BRINP3: variants seen among roughly 807,000 people sequenced by gnomAD.
The protein encoded by BRINP3 is BMP/retinoic acid-inducible neural-specific protein 3.
In BRINP3, 19 loss-of-function variants were observed where a neutral mutation model predicts 71.0. The ratio of observed to expected loss-of-function variants is 0.27; its 90% CI spans 0.19 to 0.39. The LOEUF is 0.39. Ranked by LOEUF, BRINP3 falls within the 10% of genes least tolerant of loss-of-function variation. The probability of loss-of-function intolerance (pLI) is 1.00; values close to 1 mark genes in which losing one functional copy is unlikely to be tolerated. For missense variants in BRINP3, 959 were observed against 940.8 expected, an observed-to-expected ratio of 1.02 and a Z score of -0.25; for synonymous variants, 380 against 337.7, an observed-to-expected ratio of 1.13 and a Z score of -1.37.
At chr1:190,119,403 A>AG (rs1653437833) in intron 7 of BRINP3, among the ~76,000 whole-genome samples, 1 of 151,990 alleles carries the variant, frequency 6.6e-6, no homozygotes, top group Non-Finnish European at 1.5e-5. Context: ...CAGCCTCCTG[A>AG]AAGCTGGGAT....
At chr1:190,259,093 T>G (rs191324127) in intron 4 of BRINP3, among the ~76,000 whole-genome samples, 33 of 152,132 alleles carry the variant, frequency 2.2e-4, no homozygotes, top group Middle Eastern at 3.4e-3. Context: ...TACCAATTCT[T>G]CATAAACTCT....
intron 2 of BRINP3, among the ~76,000 whole-genome samples, chr1:190,441,781 G>A (rs977007329): frequency 6.6e-6 from 1 of 151,986 alleles, no homozygotes. Context: ...CTCCCTAATA[G>A]TACTTCAATA....
intron 7 of BRINP3, among the ~76,000 whole-genome samples, chr1:190,129,776 A>G (rs1256652731): frequency 6.6e-6 from 1 of 152,014 alleles, no homozygotes; most frequent in Admixed American, 6.6e-5. Flanking sequence ...TGATTAACAC[A>G]GAATGCTATT....
chr1:190,129,812 A>G (rs1013457101), intron 7 of BRINP3, among the ~76,000 whole-genome samples: 2 of 151,974 alleles, frequency 1.3e-5, no homozygotes, highest in Non-Finnish European at 2.9e-5. Context: ...TAAAATCAAG[A>G]CAGAATAAGA....
chr1:190,358,391 G>T (rs181695482), intron 2 of BRINP3, among the ~76,000 whole-genome samples: 2,656 of 152,280 alleles, frequency 0.017, 49 homozygotes, highest in Middle Eastern at 0.031. Context: ...CATTTATGCA[G>T]CCAACAGACA....
At chr1:190,290,133 A>G (rs1288559149) in intron 2 of BRINP3, among the ~76,000 whole-genome samples, 1 of 152,066 alleles carries the variant, frequency 6.6e-6, no homozygotes, top group African/African-American at 2.4e-5. Context: ...GTAGAGGAAT[A>G]TATTTCTCAA....
chr1:190,380,442 T>C (rs1670475766), intron 2 of BRINP3, among the ~76,000 whole-genome samples: 1 of 152,136 alleles, frequency 6.6e-6, no homozygotes, highest in African/African-American at 2.4e-5. Flanking sequence ...AGTAGATGGA[T>C]ATTGGAATGG....
At chr1:190,108,369 G>A (rs1652372932) in intron 7 of BRINP3, among the ~76,000 whole-genome samples, 1 of 151,322 alleles carries the variant, frequency 6.6e-6, no homozygotes, top group Non-Finnish European at 1.5e-5. Context: ...CGCACACGCT[G>A]GTATAAAATT....
intron 2 of BRINP3, among the ~76,000 whole-genome samples, chr1:190,331,557 C>T (rs761366816): frequency 3.9e-5 from 6 of 151,948 alleles, no homozygotes; most frequent in African/African-American, 1.2e-4. Context: ...ATTTGTAGTA[C>T]GAGGTGGCCA....
chr1:190,376,626 A>C (rs1387412026), intron 2 of BRINP3, among the ~76,000 whole-genome samples: 3 of 152,064 alleles, frequency 2.0e-5, no homozygotes, highest in Non-Finnish European at 4.4e-5. Flanking sequence ...TTTGAACTAG[A>C]AAACAAATAC....
intron 2 of BRINP3, among the ~76,000 whole-genome samples, chr1:190,419,690 T>TACACACACACACACACACACACAC (rs5779528): frequency 6.7e-6 from 1 of 148,358 alleles, no homozygotes; most frequent in African/African-American, 2.5e-5. Context: ...TATACATTTA[T>TACACACACACACACACACACACAC]ACACACACAC....
intron 4 of BRINP3, among the ~76,000 whole-genome samples, chr1:190,255,695 C>A (rs146400692): frequency 1.3e-5 from 2 of 151,732 alleles, no homozygotes; most frequent in African/African-American, 2.4e-5. Context: ...GTCTTGCTAG[C>A]GATCTATCAA....
chr1:190,204,376 TAAA>T (rs1165257399), intron 6 of BRINP3, among the ~76,000 whole-genome samples: 1 of 151,854 alleles, frequency 6.6e-6, no homozygotes. Flanking sequence ...GGATTAATAA[TAAA>T]AAATATTTAT....
At chr1:190,358,069 T>A (rs545419166) in intron 2 of BRINP3, among the ~76,000 whole-genome samples, 1 of 151,896 alleles carries the variant, frequency 6.6e-6, no homozygotes, top group South Asian at 2.1e-4. Context: ...AGAAGAAAAC[T>A]TAGGCAATAC....
chr1:190,182,413 C>A (rs1315492964), intron 6 of BRINP3, among the ~76,000 whole-genome samples: 2 of 152,162 alleles, frequency 1.3e-5, no homozygotes, highest in East Asian at 1.9e-4. Context: ...TGAATAATTT[C>A]TATTGTTCCA....
intron 6 of BRINP3, among the ~76,000 whole-genome samples, chr1:190,166,810 A>C (rs1571891067): frequency 6.6e-6 from 1 of 151,560 alleles, no homozygotes; most frequent in Non-Finnish European, 1.5e-5. Flanking sequence ...TACAACCTCC[A>C]CCCCCAGGGT....
At chr1:190,245,274 C>T (rs1315845014) in intron 4 of BRINP3, among the ~76,000 whole-genome samples, 1 of 150,200 alleles carries the variant, frequency 6.7e-6, no homozygotes, top group African/African-American at 2.5e-5. Context: ...AATAAATTGG[C>T]TTTGCTCACA....
intron 1 of BRINP3, among the ~76,000 whole-genome samples, chr1:190,462,554 C>T (rs1240837018): frequency 2.6e-5 from 4 of 152,014 alleles, no homozygotes; most frequent in Non-Finnish European, 5.9e-5. Context: ...TTGAGATCTC[C>T]CTGACTACCT....
chr1:190,419,530 A>C (rs1032253609), intron 2 of BRINP3, among the ~76,000 whole-genome samples: 1 of 152,008 alleles, frequency 6.6e-6, no homozygotes, highest in Admixed American at 6.6e-5. Context: ...ATGAATAGAT[A>C]TTTGAAATAA....
Sources: allele counts gnomAD v4.1 joint callset (sites outside exome capture counted in the v4.1 genomes callset), GRCh38; gene constraint gnomAD v4.1.1; transcripts MANE v1.5; gene names NCBI Gene and HGNC (gene_info 2026-07-23, HGNC 2026-07-21).